The following MCTP2 variants were observed in gnomAD, a reference collection of about 807,000 sequenced individuals.
MCTP2 encodes the protein multiple C2 and transmembrane domain-containing protein 2.
MCTP2 carries 132 observed loss-of-function variants against 111.6 expected under a neutral mutation model. That is an observed-to-expected ratio of 1.18 (90% CI 1.03 to 1.37). The LOEUF (loss-of-function observed/expected upper bound fraction) is 1.37. MCTP2 is among the 40% of genes most tolerant of loss of function. MCTP2 has a pLI of 0.00. For synonymous variants in MCTP2, 395 were observed against 387.7 expected (o/e 1.02, Z -0.22); for missense variants, 1,183 against 1,067.9 (o/e 1.11, Z -1.50).
At chr15:94,453,728 TTTC>T (rs1357685305) in intron 19 of MCTP2, among the ~76,000 whole-genome samples, 3 of 152,196 alleles carry the variant, frequency 2.0e-5, no homozygotes, top group Admixed American at 2.0e-4. Flanking sequence ...AGATAGTACA[TTTC>T]TTAAGACAGT....
rs145368674 is a variant in MCTP2, at chr15:94,303,723, C to T, written c.465+4993C>T. Among the ~76,000 whole-genome samples the T allele has an allele frequency of 7.4e-4, 113 of 152,218 alleles. 2 individuals are homozygous for T. Among genetic ancestry groups the T allele is most frequent in the South Asian group, 1.5e-3 (7 of 4,808 alleles). On this transcript the variant is annotated intron_variant, in intron 2 of 22. Transcript: ENST00000357742. ...ACAAGATGAGATTTGGGTGGGGACA[C>T]GGAGCAAACTTACTTCATATTCATT...
chr15:94,334,208 C>G (rs74028568), intron 4 of MCTP2, among the ~76,000 whole-genome samples: 1 of 152,122 alleles, frequency 6.6e-6, no homozygotes, highest in Non-Finnish European at 1.5e-5. Flanking sequence ...AAAATGATCC[C>G]TTGAAGTTGA....
At chr15:94,240,844 C>T (rs2070895284) in intron 1 of MCTP2, among the ~76,000 whole-genome samples, 1 of 152,086 alleles carries the variant, frequency 6.6e-6, no homozygotes, top group South Asian at 2.1e-4. Context: ...GTGAGAACAA[C>T]TTCATTGTGT....
At position 94,314,329 on chromosome 15, in the gene MCTP2, T is replaced by G. The variant is rs1290061963; in HGVS notation, c.513T>G (p.His171Gln). 8.7e-6 allele frequency: 14 copies of G among 1,607,424 alleles called. No homozygotes were observed. Among genetic ancestry groups the G allele is most frequent in the African/African-American group, 1.3e-5 (1 of 74,878 alleles). ...SDLNASMTSQHFEEQSVPGEA... is the reference protein window; with the variant it reads ...SDLNASMTSQQFEEQSVPGEA... The stretch of plus-strand genomic sequence containing the variant: ...TGAATGCTTCTATGACATCTCAACA[T>G]TTTGAAGAACAATCTGTGAGTGGCA... Residue 171 changes from histidine to glutamine, a missense_variant, in exon 3 of 23, where the codon CAT becomes CAG. Physicochemically the swap from His to Gln is conservative, Grantham distance 24. Transcript: ENST00000357742.
intron 1 of MCTP2, among the ~76,000 whole-genome samples, chr15:94,238,791 T>C (rs1165176758): frequency 6.6e-6 from 1 of 151,972 alleles, no homozygotes; most frequent in Non-Finnish European, 1.5e-5. Context: ...AGGGAGTGTT[T>C]TGAGAAATCA....
chr15:94,444,876 C>T (rs1054234050), intron 19 of MCTP2, among the ~76,000 whole-genome samples: 3 of 152,142 alleles, frequency 2.0e-5, no homozygotes, highest in East Asian at 1.9e-4. Flanking sequence ...AGAGGATGTC[C>T]TCCCCGCTTT....
intron 12 of MCTP2, among the ~76,000 whole-genome samples, chr15:94,371,494 C>T (rs750055654): frequency 7.9e-5 from 12 of 152,126 alleles, no homozygotes; most frequent in Admixed American, 2.0e-4. Flanking sequence ...TTACATGCAG[C>T]GCTTTTCGAA....
intron 13 of MCTP2, among the ~76,000 whole-genome samples, chr15:94,384,496 T>C (rs766452225): frequency 7.9e-5 from 12 of 152,184 alleles, no homozygotes; most frequent in Non-Finnish European, 1.8e-4. Flanking sequence ...AAAATACAGA[T>C]TATCTGTGAC....
At chr15:94,472,817 G>C (rs1243038148) in intron 21 of MCTP2, among the ~76,000 whole-genome samples, 3 of 152,126 alleles carry the variant, frequency 2.0e-5, no homozygotes, top group Admixed American at 1.3e-4. Flanking sequence ...ATTCTGTTAG[G>C]ACTTATCCTA....
At chr15:94,366,632 G>A (rs2079199057) in intron 10 of MCTP2, among the ~76,000 whole-genome samples, 1 of 151,934 alleles carries the variant, frequency 6.6e-6, no homozygotes, top group Non-Finnish European at 1.5e-5. Context: ...GTTCTCTCTG[G>A]GGAGCAGTGC....
At chr15:94,467,493 T>C (rs2073476995) in intron 20 of MCTP2, among the ~76,000 whole-genome samples, 1 of 152,194 alleles carries the variant, frequency 6.6e-6, no homozygotes, top group Admixed American at 6.5e-5. Flanking sequence ...ACAGTTTAGT[T>C]TTTTACTGTA....
At chr15:94,305,949 G>A (rs757015355) in intron 2 of MCTP2, among the ~76,000 whole-genome samples, 1 of 151,886 alleles carries the variant, frequency 6.6e-6, no homozygotes, top group African/African-American at 2.4e-5. Context: ...TTTACAAGAC[G>A]CTTTTAACAT....
At chr15:94,431,395 G>C (rs2083177943) in intron 17 of MCTP2, among the ~76,000 whole-genome samples, 1 of 152,198 alleles carries the variant, frequency 6.6e-6, no homozygotes, top group South Asian at 2.1e-4. Flanking sequence ...GTTGGATTAT[G>C]ACACACAACC....
At chr15:94,324,356 C>CT (rs367851362) in intron 4 of MCTP2, among the ~76,000 whole-genome samples, 63 of 152,368 alleles carry the variant, frequency 4.1e-4, no homozygotes, top group African/African-American at 1.5e-3. Context: ...TGTTAGGCCG[C>CT]TGTAGTAGTT....
intron 19 of MCTP2, among the ~76,000 whole-genome samples, chr15:94,448,429 G>T (rs772624569): frequency 6.6e-6 from 1 of 152,224 alleles, no homozygotes; most frequent in South Asian, 2.1e-4. Flanking sequence ...ACCAAATTTC[G>T]TCAGAGGCGC....
intron 17 of MCTP2, among the ~76,000 whole-genome samples, chr15:94,409,748 A>T (rs1416485528): frequency 6.6e-6 from 1 of 151,294 alleles, no homozygotes; most frequent in African/African-American, 2.4e-5. Context: ...CCCTTCCCAC[A>T]AGCAGTGATG....
At chr15:94,312,557 G>A (rs2076193696) in intron 2 of MCTP2, among the ~76,000 whole-genome samples, 1 of 152,206 alleles carries the variant, frequency 6.6e-6, no homozygotes, top group Non-Finnish European at 1.5e-5. Flanking sequence ...CCTAGAAAAA[G>A]CTTGTGTCTG....
At chr15:94,364,648 T>C (rs1395628632) in intron 10 of MCTP2, among the ~76,000 whole-genome samples, 2 of 152,234 alleles carry the variant, frequency 1.3e-5, no homozygotes, top group African/African-American at 4.8e-5. Flanking sequence ...GGTCATTTGA[T>C]ATTTCTCTTT....
At chr15:94,305,381 C>T (rs1354614356) in intron 2 of MCTP2, among the ~76,000 whole-genome samples, 5 of 152,118 alleles carry the variant, frequency 3.3e-5, no homozygotes, top group East Asian at 3.9e-4. Context: ...CCTCGGAGGA[C>T]GATCTCATTG....
Sources: allele counts gnomAD v4.1 joint callset (sites outside exome capture counted in the v4.1 genomes callset), GRCh38; gene constraint gnomAD v4.1.1; transcripts MANE v1.5; gene names NCBI Gene and HGNC (gene_info 2026-07-23, HGNC 2026-07-21).